EMB: variants seen among roughly 807,000 people sequenced by gnomAD.
The protein encoded by EMB is embigin homolog.
Under a neutral mutation model 41.4 loss-of-function variants are expected in EMB, and 31 were observed. The ratio of observed to expected loss-of-function variants is 0.75; its 90% CI spans 0.56 to 1.01. EMB has a LOEUF of 1.01. Ranked by LOEUF, EMB falls within the 50% of genes least tolerant of loss-of-function variation. The pLI, the probability that EMB is intolerant of heterozygous loss-of-function variation, is 0.00. For synonymous variants in EMB, 137 were observed against 140.4 expected (o/e 0.98, Z 0.17); for missense variants, 379 against 388.3 (o/e 0.98, Z 0.20).
chr5:50,409,322 GTGT>G (rs1745297002), intron 4 of EMB, among the ~76,000 whole-genome samples: 1 of 151,950 alleles, frequency 6.6e-6, no homozygotes, highest in Admixed American at 6.6e-5. Flanking sequence ...TGAGAAAAAT[GTGT>G]TATCTTCAAT....
At chr5:50,412,242 AC>A (rs1745351263) in intron 2 of EMB, among the ~76,000 whole-genome samples, 1 of 119,800 alleles carries the variant, frequency 8.3e-6, no homozygotes, top group Admixed American at 8.4e-5. Context: ...CACACACACC[AC>A]ACACACACAC....
rs1407546740 is a variant in EMB at position 50,440,401 on chromosome 5, C to T, written c.112+639G>A. Among the ~76,000 whole-genome samples, 15 of 151,968 alleles carry T rather than the reference C, an allele frequency of 9.9e-5. No individual in the cohort carries two copies. The East Asian group carries it at 2.5e-3, about 26-fold the overall frequency. On this transcript the variant is annotated intron_variant, in intron 1 of 8. Coordinates refer to ENST00000303221, the MANE Select transcript of EMB (RefSeq NM_198449.3). ...ATATAAAATTAGCCCGGCGTGGTGG[C>T]GCATGCCTGTAATCCCAGCTACTCT... is the stretch of plus-strand genomic sequence containing the variant.
At chr5:50,435,260 C>T (rs1001928763) in intron 1 of EMB, among the ~76,000 whole-genome samples, 1 of 152,102 alleles carries the variant, frequency 6.6e-6, no homozygotes, top group Non-Finnish European at 1.5e-5. Flanking sequence ...CCGTCTATTT[C>T]CTACAAAGGA....
intron 2 of EMB, among the ~76,000 whole-genome samples, chr5:50,420,535 C>A (rs1486666805): frequency 6.6e-6 from 1 of 152,226 alleles, no homozygotes; most frequent in Non-Finnish European, 1.5e-5. Context: ...ACACTGCTAA[C>A]AACAGACTCT....
chr5:50,421,451 T>G (rs1168836119), intron 2 of EMB, among the ~76,000 whole-genome samples: 1 of 152,154 alleles, frequency 6.6e-6, no homozygotes, highest in Non-Finnish European at 1.5e-5. Flanking sequence ...TTGGTGGGAC[T>G]GTAAACTAGT....
Position 50,399,896 on chromosome 5 carries a change from T to C in EMB, c.929A>G (p.Asn310Ser), listed in dbSNP as rs1246000512. ...QIEQLKSDDSNGIENNVPRHR... is the reference protein window; with the variant it reads ...QIEQLKSDDSSGIENNVPRHR... ...CCTGGGGACATTATTTTCTATACCA[T>C]TGCTATCATCTGATTTCCTGCACAG... Residue 310 changes from asparagine to serine, a missense_variant, in exon 8 of 9, where the codon AAT (asparagine) becomes AGT (serine). Coordinates refer to ENST00000303221, the MANE Select transcript of EMB (RefSeq NM_198449.3). 6 of 1,604,422 alleles carry C rather than the reference T, an allele frequency of 3.7e-6. No individual in the cohort carries two copies. The highest frequency in any genetic ancestry group is 1.7e-4 in the Middle Eastern group (1 of 6,004).
At chr5:50,416,365 T>A (rs1579730314) in intron 2 of EMB, among the ~76,000 whole-genome samples, 2 of 152,216 alleles carry the variant, frequency 1.3e-5, no homozygotes, top group African/African-American at 4.8e-5. Context: ...TAATTTCTTA[T>A]TTTCATAGGT....
At chr5:50,430,005 T>TCACA (rs374435204) in intron 1 of EMB, among the ~76,000 whole-genome samples, 45 of 140,546 alleles carry the variant, frequency 3.2e-4, no homozygotes, top group South Asian at 1.1e-3. Flanking sequence ...TCTCTCTCTC[T>TCACA]CACACACACA....
In EMB at chr5:50,410,920, G is replaced by A; in HGVS notation, c.429C>T (p.Phe143=). The A allele has an allele frequency of 5.0e-6, 8 of 1,605,688 alleles. No individual in the cohort carries two copies. Among genetic ancestry groups the A allele is most frequent in the Non-Finnish European group, 6.8e-6 (8 of 1,176,864 alleles). ...CCCTTTGTTCCTTTTCCTCTCGAAA[G>A]AAACAAGAATAACTTCCCATTTGTT... ...NSKQMGSYSC[F]FREEKEQRGT... The change falls in exon 4 of 9, where the codon TTC becomes TTT. Residue 143 remains phenylalanine, a synonymous_variant. Coordinates refer to ENST00000303221, the MANE Select transcript of EMB (RefSeq NM_198449.3).
chr5:50,406,412 A>AT (rs1232559455), intron 4 of EMB, among the ~76,000 whole-genome samples: 148 of 151,884 alleles, frequency 9.7e-4, no homozygotes, highest in African/African-American at 3.4e-3. Flanking sequence ...TGGTTTTGTA[A>AT]AATATATATA....
intron 2 of EMB, among the ~76,000 whole-genome samples, chr5:50,423,732 C>G (rs1264336449): frequency 6.6e-6 from 1 of 152,096 alleles, no homozygotes; most frequent in Non-Finnish European, 1.5e-5. Flanking sequence ...GGCTCCTGTA[C>G]AGTATAATGC....
At chr5:50,434,484 A>G (rs1484598653) in intron 1 of EMB, among the ~76,000 whole-genome samples, 1 of 152,136 alleles carries the variant, frequency 6.6e-6, no homozygotes, top group Non-Finnish European at 1.5e-5. Context: ...ATGAAGAAAA[A>G]CCACATGCTG....
Position 50,397,041 on chromosome 5 carries a change from C to G in EMB, c.*2232G>C, listed in dbSNP as rs533009444. ...TATGAAAGTATCTGGGAATTTTATG[C>G]CATCATTAAATCTACTTATTATGCT... On this transcript the variant is annotated 3_prime_UTR_variant, in exon 9 of 9. Coordinates refer to ENST00000303221, the MANE Select transcript of EMB (RefSeq NM_198449.3). The G allele has an allele frequency of 4.6e-5, 7 of 152,122 alleles. No homozygotes were observed. The highest frequency in any genetic ancestry group is 1.7e-4 in the African/African-American group (7 of 41,500). 9.4% of individuals were successfully genotyped at this position (152,122 alleles called of 1,614,324 possible). A position where few individuals can be genotyped will look rare whatever the true frequency, so the allele number is the denominator to read the frequency against.
chr5:50,413,333 A>G (rs938402367), intron 2 of EMB, among the ~76,000 whole-genome samples: 3 of 152,202 alleles, frequency 2.0e-5, no homozygotes, highest in Non-Finnish European at 2.9e-5. Flanking sequence ...AACTGCTGCA[A>G]TAATTTCAAA....
At chr5:50,428,846 C>T in intron 1 of EMB, 1 of 388,034 alleles carries the variant, frequency 2.6e-6, no homozygotes, top group Non-Finnish European at 3.5e-6. Context: ...ATTTCCACCT[C>T]TCTCACTCTC....
intron 2 of EMB, among the ~76,000 whole-genome samples, chr5:50,420,093 T>C (rs1393095477): frequency 6.6e-6 from 1 of 152,066 alleles, no homozygotes; most frequent in Non-Finnish European, 1.5e-5. Flanking sequence ...ACTGTCTAGG[T>C]GATGGATTGA....
At chr5:50,443,010 G>T (rs1745939673), upstream of EMB, 1 of 152,118 alleles carries the variant, frequency 6.6e-6, no homozygotes, top group Non-Finnish European at 1.5e-5. Context: ...AGTTGAGAAA[G>T]AAATATAATT....
At chr5:50,414,404 G>A (rs1745394642) in intron 2 of EMB, among the ~76,000 whole-genome samples, 1 of 151,654 alleles carries the variant, frequency 6.6e-6, no homozygotes, top group South Asian at 2.1e-4. Context: ...GTGCATGCCT[G>A]TGGTCCCATC....
chr5:50,433,734 C>A (rs549087848), intron 1 of EMB, among the ~76,000 whole-genome samples: 1 of 152,176 alleles, frequency 6.6e-6, no homozygotes, highest in Non-Finnish European at 1.5e-5. Flanking sequence ...GGTGTCATAA[C>A]AAATGACTAC....
Sources: gnomAD v4.1 joint callset for allele counts (sites outside exome capture counted in the v4.1 genomes callset) on GRCh38, gnomAD v4.1.1 for gene constraint, MANE v1.5 for transcripts, NCBI Gene and HGNC (gene_info 2026-07-23, HGNC 2026-07-21) for gene names.